The following PHF21B variants were observed in gnomAD, a reference collection of about 807,000 sequenced individuals.
PHF21B encodes the protein PHD finger protein 21B, also known as PHD finger protein 4.
Under a neutral mutation model 62.2 loss-of-function variants are expected in PHF21B, and 22 were observed. That is an observed-to-expected ratio of 0.35 (90% CI 0.25 to 0.51). The LOEUF (loss-of-function observed/expected upper bound fraction) is 0.51, where lower values mean the gene tolerates loss of function less well. PHF21B is among the 20% of genes least tolerant of loss of function. PHF21B has a pLI of 0.97. For missense variants in PHF21B, 701 were observed against 707.9 expected, an observed-to-expected ratio of 0.99 and a Z score of 0.11; for synonymous variants, 341 against 314.7, an observed-to-expected ratio of 1.08 and a Z score of -0.88.
chr22:45,008,821 T>A (rs1377305977), intron 1 of PHF21B: 2 of 1,183,576 alleles, frequency 1.7e-6, no homozygotes, highest in Non-Finnish European at 2.1e-6. Flanking sequence ...TCGGGGCAGC[T>A]CGCGGGGCGG....
chr22:45,000,153 C>G (rs2073188586), intron 2 of PHF21B, among the ~76,000 whole-genome samples: 1 of 152,106 alleles, frequency 6.6e-6, no homozygotes, highest in Non-Finnish European at 1.5e-5. Context: ...GTTTTAAAGC[C>G]TGCACTGTAA....
chr22:44,883,448 G>A (rs1377746992), intron 12 of PHF21B, 144 bp from the exon 13 acceptor site: 2 of 704,504 alleles, frequency 2.8e-6, no homozygotes, highest in Admixed American at 5.9e-5. Context: ...CCAGGCAGTG[G>A]TGCAAATGCA....
intron 7 of PHF21B, among the ~76,000 whole-genome samples, chr22:44,892,097 G>A (rs757573647): frequency 7.9e-5 from 12 of 152,112 alleles, no homozygotes; most frequent in Non-Finnish European, 1.5e-4. Context: ...CTAGAGTAAC[G>A]CCTCGTCCAC....
chr22:44,892,319 C>A (rs1025197145), intron 7 of PHF21B, among the ~76,000 whole-genome samples: 2 of 152,312 alleles, frequency 1.3e-5, no homozygotes, highest in East Asian at 3.9e-4. Context: ...AGAACAGGAG[C>A]GGGGCAGGCA....
At chr22:44,966,919 C>G (rs910486679) in intron 2 of PHF21B, 1 of 152,254 alleles carries the variant, frequency 6.6e-6, no homozygotes, top group African/African-American at 2.4e-5. Context: ...TCCCACCCCC[C>G]AGCCTCTCCA....
Position 44,886,788 on chromosome 22 carries a change from C to A in PHF21B, c.1198-850G>T, listed in dbSNP as rs182859969. Among the ~76,000 whole-genome samples the A allele has an allele frequency of 1.8e-3, 277 of 152,286 alleles. 1 individual carries two copies. The highest frequency in any genetic ancestry group is 6.5e-3 in the African/African-American group (269 of 41,566). ...CGACAGCAGCCCCTGCCCACCATAT[C>A]CACAGCCTTTGATCCCCACAGAACC... On this transcript the variant is annotated intron_variant, in intron 10 of 12. Coordinates refer to ENST00000313237, the MANE Select transcript of PHF21B (RefSeq NM_138415.5).
chr22:45,007,318 G>T (rs2073335288), intron 2 of PHF21B, among the ~76,000 whole-genome samples: 1 of 151,708 alleles, frequency 6.6e-6, no homozygotes, highest in African/African-American at 2.4e-5. Flanking sequence ...ATTCTCTCTC[G>T]CCAGGGTCAC....
At chr22:44,946,982 G>C (rs1467672546) in intron 2 of PHF21B, among the ~76,000 whole-genome samples, 1 of 152,220 alleles carries the variant, frequency 6.6e-6, no homozygotes, top group Admixed American at 6.5e-5. Flanking sequence ...CCGTTTAAGG[G>C]GGCTGCGGCC....
chr22:44,957,379 G>A (rs1470875961), intron 2 of PHF21B, among the ~76,000 whole-genome samples: 1 of 152,238 alleles, frequency 6.6e-6, no homozygotes, highest in African/African-American at 2.4e-5. Flanking sequence ...GACTGTAGAA[G>A]GAGTGAGAGA....
intron 2 of PHF21B, among the ~76,000 whole-genome samples, chr22:45,007,194 G>A (rs1341549794): frequency 1.3e-5 from 2 of 148,166 alleles, no homozygotes; most frequent in East Asian, 4.1e-4. Context: ...GCGGGCCGCG[G>A]CACTGCCATC....
At chr22:44,949,846 G>T (rs1166600544) in intron 2 of PHF21B, among the ~76,000 whole-genome samples, 2 of 148,652 alleles carry the variant, frequency 1.3e-5, no homozygotes, top group African/African-American at 5.1e-5. Context: ...TTAAGTTCAG[G>T]TGATTTTTTC....
chr22:44,915,179 A>G (rs1186338378), intron 4 of PHF21B, among the ~76,000 whole-genome samples: 1 of 152,218 alleles, frequency 6.6e-6, no homozygotes, highest in Non-Finnish European at 1.5e-5. Context: ...TATGGAAGAA[A>G]TATGTCCATT....
Position 45,002,319 on chromosome 22 carries a change from A to G in PHF21B, c.120+6226T>C, listed in dbSNP as rs1601700550. Among the ~76,000 whole-genome samples the G allele has an allele frequency of 2.0e-5, 3 of 152,202 alleles. No individual in the cohort carries two copies. In the South Asian group the frequency reaches 6.2e-4, roughly 31 times the overall value. On this transcript the variant is annotated intron_variant, in intron 2 of 12. Coordinates refer to ENST00000313237, the MANE Select transcript of PHF21B (RefSeq NM_138415.5). ...GTAACTATAAATTGCATTTATGTACATACACACACACCACATGCACACAAA... is the reference window on the plus strand; with the variant it reads ...GTAACTATAAATTGCATTTATGTACGTACACACACACCACATGCACACAAA...
intron 2 of PHF21B, among the ~76,000 whole-genome samples, chr22:44,921,417 A>G (rs1427662628): frequency 6.7e-6 from 1 of 149,540 alleles, no homozygotes; most frequent in Non-Finnish European, 1.5e-5. Context: ...CCCAGGCTGG[A>G]GTGCAGTGGC....
intron 2 of PHF21B, among the ~76,000 whole-genome samples, chr22:44,999,730 A>AC (rs2073180538): frequency 6.6e-6 from 1 of 151,966 alleles, no homozygotes; most frequent in Non-Finnish European, 1.5e-5. Flanking sequence ...GAAGCTGGGC[A>AC]CCCAATGGTC....
chr22:45,002,404 G>A (rs1334999496), intron 2 of PHF21B, among the ~76,000 whole-genome samples: 1 of 152,100 alleles, frequency 6.6e-6, no homozygotes, highest in East Asian at 1.9e-4. Flanking sequence ...TGCCTTCTGG[G>A]GCTTCCAGAG....
rs192279406 is a variant in PHF21B at position 44,902,058 on chromosome 22, C to A, written c.832-5975G>T. The A allele has an allele frequency of 5.6e-5, 13 of 231,220 alleles. No homozygotes were observed. The South Asian group carries it at 9.5e-4, about 17-fold the overall frequency. The allele number at this position is 231,220 out of a possible 1,614,324, so 14.3% of individuals were successfully genotyped here. On this transcript the variant is annotated intron_variant, in intron 5 of 12. Coordinates refer to ENST00000313237, the MANE Select transcript of PHF21B (RefSeq NM_138415.5). Reference sequence around the variant, plus strand: ...ACTGGACACCACAGAGGCAAGAGGGCGGTTCTCCTGAAGAGCTGGGCAGTG... The same window carrying A: ...ACTGGACACCACAGAGGCAAGAGGGAGGTTCTCCTGAAGAGCTGGGCAGTG...
chr22:45,005,810 C>A (rs1334869149), intron 2 of PHF21B, among the ~76,000 whole-genome samples: 1 of 152,130 alleles, frequency 6.6e-6, no homozygotes. Context: ...TTTCCCTAAG[C>A]GACTCTCTAA....
intron 3 of PHF21B, 112 bp downstream of exon 3, chr22:44,920,286 C>A: frequency 4.3e-6 from 3 of 693,050 alleles, no homozygotes; most frequent in Non-Finnish European, 4.5e-6. Flanking sequence ...TGAGAGGGCA[C>A]GAGTTCCGCC....
Sources: allele counts gnomAD v4.1 joint callset (sites outside exome capture counted in the v4.1 genomes callset), GRCh38; gene constraint gnomAD v4.1.1; transcripts MANE v1.5; gene names NCBI Gene and HGNC (gene_info 2026-07-23, HGNC 2026-07-21).